Variants in FGF12 observed in about 807,000 individuals in gnomAD.
The protein encoded by FGF12 is fibroblast growth factor 12B.
Under a neutral mutation model 23.6 loss-of-function variants are expected in FGF12, and 14 were observed. The ratio of observed to expected loss-of-function variants is 0.59; its 90% CI spans 0.39 to 0.93. FGF12 has a LOEUF of 0.93. Among genes scored for constraint, FGF12 ranks in the 40% least tolerant of loss-of-function variants. The pLI is 0.00. For synonymous variants in FGF12, 62 were observed against 77.3 expected (o/e 0.80, Z 1.04); for missense variants, 175 against 217.8 (o/e 0.80, Z 1.24).
At chr3:192,561,757 A>C (rs1277979395) in intron 2 of FGF12, among the ~76,000 whole-genome samples, 1 of 152,128 alleles carries the variant, frequency 6.6e-6, no homozygotes, top group African/African-American at 2.4e-5. Context: ...ACTTCTAGAA[A>C]TGTCACTTAA....
intron 2 of FGF12, among the ~76,000 whole-genome samples, chr3:192,601,670 A>G (rs1266833579): frequency 6.6e-6 from 1 of 152,122 alleles, no homozygotes; most frequent in Admixed American, 6.6e-5. Flanking sequence ...CAGTGAAACT[A>G]CAGTCATCCA....
At chr3:192,564,362 C>A (rs536534243) in intron 2 of FGF12, among the ~76,000 whole-genome samples, 2 of 152,294 alleles carry the variant, frequency 1.3e-5, no homozygotes, top group East Asian at 3.9e-4. Context: ...CTGCGCCCTG[C>A]CGACCATGTG....
chr3:192,432,515 A>T (rs537268125), intron 2 of FGF12, among the ~76,000 whole-genome samples: 1 of 151,136 alleles, frequency 6.6e-6, no homozygotes, highest in African/African-American at 2.4e-5. Flanking sequence ...TCAGAGAGAG[A>T]GTCCTAATGG....
chr3:192,395,953 T>C (rs1183434096), intron 2 of FGF12, among the ~76,000 whole-genome samples: 1 of 152,174 alleles, frequency 6.6e-6, no homozygotes, highest in Non-Finnish European at 1.5e-5. Context: ...AAATGTTCTA[T>C]GAATGTCAAG....
chr3:192,679,204 A>G (rs970509010), intron 2 of FGF12, among the ~76,000 whole-genome samples: 4 of 152,194 alleles, frequency 2.6e-5, no homozygotes, highest in African/African-American at 9.6e-5. Flanking sequence ...GCAGCAGGGT[A>G]AGTCTGGGAT....
At chr3:192,720,722 A>G (rs1346393201) in intron 2 of FGF12, among the ~76,000 whole-genome samples, 1 of 152,196 alleles carries the variant, frequency 6.6e-6, no homozygotes, top group African/African-American at 2.4e-5. Flanking sequence ...GACAAGGCCC[A>G]GGCAGTAGAA....
At chr3:192,643,992 A>G (rs566214848) in intron 2 of FGF12, among the ~76,000 whole-genome samples, 1 of 152,334 alleles carries the variant, frequency 6.6e-6, no homozygotes, top group African/African-American at 2.4e-5. Flanking sequence ...TAAAAAACCT[A>G]AAGGACCTTC....
At chr3:192,715,432 A>G (rs1418584707) in intron 2 of FGF12, among the ~76,000 whole-genome samples, 1 of 152,242 alleles carries the variant, frequency 6.6e-6, no homozygotes, top group African/African-American at 2.4e-5. Context: ...TACTACATGT[A>G]TATCAATGTC....
In FGF12 at chr3:192,409,556, T is replaced by A. The variant is rs1332603111; in HGVS notation, c.14-49018A>T. Among the ~76,000 whole-genome samples the A allele has an allele frequency of 2.0e-5, 3 of 152,186 alleles. No individual in the cohort carries two copies. The highest frequency in any genetic ancestry group is 4.4e-5 in the Non-Finnish European group (3 of 68,022). ...GATTACCCGCCGGACGCAAGGCCGATCACTCAGTCCCGCGCCGCCCATCCC... is the reference window on the plus strand; with the variant it reads ...GATTACCCGCCGGACGCAAGGCCGAACACTCAGTCCCGCGCCGCCCATCCC... On this transcript the variant is annotated intron_variant, in intron 2 of 5. Coordinates refer to ENST00000445105, the MANE Select transcript of FGF12 (RefSeq NM_004113.6). The surrounding 1 kb of genome is among the most constrained non-coding windows in gnomAD (Gnocchi z 4.8).
At chr3:192,725,926 C>T (rs371009942) in intron 2 of FGF12, among the ~76,000 whole-genome samples, 19 of 152,108 alleles carry the variant, frequency 1.2e-4, no homozygotes, top group East Asian at 5.8e-4. Flanking sequence ...CATTGTCAGA[C>T]GTGGAGATGC....
At chr3:192,248,274 T>C (rs963358965) in intron 4 of FGF12, among the ~76,000 whole-genome samples, 1 of 152,226 alleles carries the variant, frequency 6.6e-6, no homozygotes, top group Non-Finnish European at 1.5e-5. Context: ...GAGAACAACC[T>C]TGACAATATG....
chr3:192,588,103 T>G (rs561042593), intron 2 of FGF12, among the ~76,000 whole-genome samples: 2 of 151,386 alleles, frequency 1.3e-5, no homozygotes, highest in Non-Finnish European at 3.0e-5. Flanking sequence ...CGCAGCACTT[T>G]AGGAGGCCGA....
At chr3:192,385,608 A>G (rs577953088) in intron 2 of FGF12, among the ~76,000 whole-genome samples, 4 of 151,890 alleles carry the variant, frequency 2.6e-5, no homozygotes, top group Non-Finnish European at 5.9e-5. Context: ...TCTGGGCTCC[A>G]GCCAACTGAC....
Position 192,511,936 on chromosome 3 carries a change from T to A in FGF12, c.14-151398A>T, listed in dbSNP as rs145177160. ...ATATATTTTAATGATACTAAAAAGC[T>A]CAAAATAAATGATTAGTTTATATTT... is the stretch of plus-strand genomic sequence containing the variant. On this transcript the variant is annotated intron_variant, in intron 2 of 5. Coordinates refer to ENST00000445105, the MANE Select transcript of FGF12 (RefSeq NM_004113.6). Among the ~76,000 whole-genome samples the A allele has an allele frequency of 3.4e-3, 514 of 152,274 alleles. 5 individuals are homozygous for A. The highest frequency in any genetic ancestry group is 9.2e-3 in the Admixed American group (141 of 15,302).
chr3:192,443,833 C>A (rs967124738), intron 2 of FGF12, among the ~76,000 whole-genome samples: 4 of 152,180 alleles, frequency 2.6e-5, no homozygotes, highest in Non-Finnish European at 2.9e-5. Flanking sequence ...CCATGATGCA[C>A]ACACAAGGTT....
At chr3:192,220,725 T>C (rs1190111894) in intron 4 of FGF12, among the ~76,000 whole-genome samples, 1 of 152,198 alleles carries the variant, frequency 6.6e-6, no homozygotes, top group Non-Finnish European at 1.5e-5. Flanking sequence ...CTAAGCTCTA[T>C]ATGACTGGTA....
rs141944184 is a variant in FGF12 at position 192,593,185 on chromosome 3, T to C, written c.13+133996A>G. Among the ~76,000 whole-genome samples, 126 of 151,992 alleles carry C rather than the reference T, an allele frequency of 8.3e-4. 2 individuals carry two copies. Among genetic ancestry groups the C allele is most frequent in the Non-Finnish European group, 1.5e-3 (103 of 67,894 alleles). ...TTGACCCAGGAAGCCCTATATTATCTGCCCTTCCTGCCTCCTCTCTAACAC... is the reference window on the plus strand; with the variant it reads ...TTGACCCAGGAAGCCCTATATTATCCGCCCTTCCTGCCTCCTCTCTAACAC... On this transcript the variant is annotated intron_variant, in intron 2 of 5. Transcript: ENST00000445105.
chr3:192,341,375 A>G (rs1717681765), intron 3 of FGF12, among the ~76,000 whole-genome samples: 1 of 152,164 alleles, frequency 6.6e-6, no homozygotes, highest in Non-Finnish European at 1.5e-5. Context: ...TGTCATATGG[A>G]AAGACATTCA....
chr3:192,592,909 A>G (rs1332225532), intron 2 of FGF12, among the ~76,000 whole-genome samples: 5 of 151,818 alleles, frequency 3.3e-5, no homozygotes, highest in Non-Finnish European at 7.4e-5. Context: ...ATAAATACAT[A>G]CAGAAGCTGA....
Sources: allele counts gnomAD v4.1 joint callset (sites outside exome capture counted in the v4.1 genomes callset), GRCh38; gene constraint gnomAD v4.1.1; non-coding constraint Gnocchi (gnomAD v3.1); transcripts MANE v1.5; gene names NCBI Gene and HGNC (gene_info 2026-07-23, HGNC 2026-07-21).